The following MYO5B variants were observed in gnomAD, a reference collection of about 807,000 sequenced individuals.
MYO5B encodes unconventional myosin-Vb.
MYO5B carries 143 observed loss-of-function variants against 229.3 expected under a neutral mutation model. That is an observed-to-expected ratio of 0.62 (90% CI 0.54 to 0.72). MYO5B has a LOEUF of 0.72. Ranked by LOEUF, MYO5B falls within the 30% of genes least tolerant of loss-of-function variation. The pLI is 0.00. For synonymous variants in MYO5B, 918 were observed against 885.2 expected (o/e 1.04, Z -0.66); for missense variants, 2,321 against 2,331.0 (o/e 1.00, Z 0.09).
At chr18:49,905,820 C>T (rs907059191) in intron 19 of MYO5B, among the ~76,000 whole-genome samples, 2 of 152,116 alleles carry the variant, frequency 1.3e-5, no homozygotes, top group Non-Finnish European at 2.9e-5. Context: ...GCCCAGTGTC[C>T]GTGAGGAAGG....
chr18:49,876,171 C>T, intron 25 of MYO5B: 2 of 364,488 alleles, frequency 5.5e-6, no homozygotes, highest in South Asian at 4.4e-5. Flanking sequence ...GGAAAATGGT[C>T]TCACACCAGA....
At chr18:50,018,161 C>T (rs2026236099) in intron 4 of MYO5B, among the ~76,000 whole-genome samples, 1 of 152,138 alleles carries the variant, frequency 6.6e-6, no homozygotes, top group South Asian at 2.1e-4. Flanking sequence ...CATAGCTCAC[C>T]ACAGCCTAGC....
intron 1 of MYO5B, among the ~76,000 whole-genome samples, chr18:50,065,839 T>A (rs2030807179): frequency 6.6e-6 from 1 of 151,898 alleles, no homozygotes; most frequent in Non-Finnish European, 1.5e-5. Flanking sequence ...CCTAGATGGA[T>A]AAGGAGGTAG....
At chr18:50,102,411 G>A (rs186291193) in intron 1 of MYO5B, among the ~76,000 whole-genome samples, 1 of 152,178 alleles carries the variant, frequency 6.6e-6, no homozygotes, top group East Asian at 1.9e-4. Flanking sequence ...ACAGATTGCT[G>A]GGAGGGAACT....
At chr18:49,973,070 T>C (rs2025707924) in intron 10 of MYO5B, among the ~76,000 whole-genome samples, 1 of 152,136 alleles carries the variant, frequency 6.6e-6, no homozygotes, top group African/African-American at 2.4e-5. Flanking sequence ...TGCAAGCGTG[T>C]CCTCTCCAGC....
At chr18:50,056,928 T>C (rs2030565327) in intron 1 of MYO5B, among the ~76,000 whole-genome samples, 1 of 152,188 alleles carries the variant, frequency 6.6e-6, no homozygotes, top group Admixed American at 6.5e-5. Context: ...AAGTCATCTG[T>C]TTCATTACTA....
At chr18:50,044,649 C>T (rs1006113228) in intron 2 of MYO5B, among the ~76,000 whole-genome samples, 1 of 151,992 alleles carries the variant, frequency 6.6e-6, no homozygotes, top group African/African-American at 2.4e-5. Flanking sequence ...GCAGGGTAGC[C>T]CCGAGCCCCA....
chr18:50,129,086 G>A (rs533467469), intron 1 of MYO5B, among the ~76,000 whole-genome samples: 3 of 152,340 alleles, frequency 2.0e-5, no homozygotes, highest in Admixed American at 2.0e-4. Context: ...GGCAGGGAAT[G>A]CTCAGTGATG....
At chr18:50,083,890 T>C (rs918473041) in intron 1 of MYO5B, among the ~76,000 whole-genome samples, 1 of 152,154 alleles carries the variant, frequency 6.6e-6, no homozygotes, top group Admixed American at 6.5e-5. Flanking sequence ...TGCAGTTAAA[T>C]GCAAATTACA....
chr18:49,880,526 G>C, intron 22 of MYO5B, 71 bp from the exon 23 acceptor site: 1 of 1,199,300 alleles, frequency 8.3e-7, no homozygotes, highest in Non-Finnish European at 1.2e-6. Flanking sequence ...TGTGGGATTT[G>C]AATTTTAACT....
intron 39 of MYO5B, among the ~76,000 whole-genome samples, chr18:49,834,934 G>C (rs2144027996): frequency 6.6e-6 from 1 of 152,238 alleles, no homozygotes; most frequent in African/African-American, 2.4e-5. Flanking sequence ...CACCGCACCT[G>C]GCCTATATTA....
At chr18:50,186,880 G>T (rs1216172960) in intron 1 of MYO5B, among the ~76,000 whole-genome samples, 1 of 152,036 alleles carries the variant, frequency 6.6e-6, no homozygotes, top group East Asian at 1.9e-4. Context: ...TAGTCACAAA[G>T]GCCTTGGAAA....
intron 8 of MYO5B, 23 bp from the exon 9 acceptor site, chr18:49,980,576 T>A: frequency 2.0e-6 from 3 of 1,491,692 alleles, no homozygotes; most frequent in Non-Finnish European, 2.8e-6. Flanking sequence ...AATGAATGGA[T>A]GACACTCAGT....
At chr18:50,148,798 A>T (rs562710428) in intron 1 of MYO5B, among the ~76,000 whole-genome samples, 2 of 151,876 alleles carry the variant, frequency 1.3e-5, no homozygotes, top group African/African-American at 4.8e-5. Context: ...CTCTCTCACC[A>T]CTCCTATTCA....
intron 30 of MYO5B, among the ~76,000 whole-genome samples, chr18:49,853,956 G>A (rs1490797685): frequency 1.3e-5 from 2 of 152,192 alleles, no homozygotes; most frequent in Non-Finnish European, 2.9e-5. Flanking sequence ...CTGTCTCCCT[G>A]TCAAAATGTC....
At chr18:49,975,716 C>T (rs970970645) in intron 9 of MYO5B, among the ~76,000 whole-genome samples, 1 of 152,100 alleles carries the variant, frequency 6.6e-6, no homozygotes. Flanking sequence ...CCAGTTTAGG[C>T]CTCTTTTCCT....
At position 50,014,129 on chromosome 18, in the gene MYO5B, G is replaced by A. The variant is rs2026191375; in HGVS notation, c.456-12718C>T. 3.3e-5 allele frequency among the ~76,000 whole-genome samples: 5 copies of A among 152,226 alleles called. No homozygotes were observed. The South Asian group carries it at 1.0e-3, about 32-fold the overall frequency. ...TGTATCATAAAAATGACATTGAGGT[G>A]GGCAGTGTTAGGAAGAGAAACCCGG... On this transcript the variant is annotated intron_variant, in intron 4 of 39. Coordinates refer to ENST00000285039, the MANE Select transcript of MYO5B (RefSeq NM_001080467.3).
intron 1 of MYO5B, chr18:50,064,126 C>T (rs2030759963): frequency 6.6e-6 from 1 of 152,262 alleles, no homozygotes; most frequent in African/African-American, 2.4e-5. Flanking sequence ...GGACAACAGA[C>T]ATATCAGTTT....
chr18:49,957,142 C>CAAAAAAAAAAACA (rs2025501817), intron 12 of MYO5B, among the ~76,000 whole-genome samples: 1 of 58,736 alleles, frequency 1.7e-5, no homozygotes, highest in Non-Finnish European at 2.9e-5. Flanking sequence ...AATAAAGTAG[C>CAAAAAAAAAAACA]AAAAAAAAAA....
Sources: gnomAD v4.1 joint callset for allele counts (sites outside exome capture counted in the v4.1 genomes callset) on GRCh38, gnomAD v4.1.1 for gene constraint, MANE v1.5 for transcripts, NCBI Gene and HGNC (gene_info 2026-07-23, HGNC 2026-07-21) for gene names.